Variants in HAPLN2 observed in about 807,000 individuals in gnomAD.
HAPLN2 encodes hyaluronan and proteoglycan link protein 2.
In HAPLN2, 27 loss-of-function variants were observed where a neutral mutation model predicts 29.3. The observed-to-expected ratio is 0.92, with a 90% CI of 0.68 to 1.27. The LOEUF (loss-of-function observed/expected upper bound fraction) is 1.27. Among genes scored for constraint, HAPLN2 ranks in the 50% most tolerant of loss-of-function variants. The pLI is 0.00. For synonymous variants in HAPLN2, 208 were observed against 211.7 expected (o/e 0.98, Z 0.15); for missense variants, 454 against 484.3 (o/e 0.94, Z 0.59).
At chr1:156,623,387 A>G (rs944913854) in intron 2 of HAPLN2, 80 bp from the exon 3 acceptor site, 3 of 1,195,920 alleles carry the variant, frequency 2.5e-6, no homozygotes, top group Non-Finnish European at 2.4e-6. Flanking sequence ...AGGATCTCTG[A>G]TGGGAGTTCA....
chr1:156,618,801 AAAAG>A (rs1678130866), upstream of HAPLN2, among the ~76,000 whole-genome samples: 2 of 151,346 alleles, frequency 1.3e-5, no homozygotes, highest in South Asian at 4.1e-4. Flanking sequence ...AAAAAAAAAA[AAAAG>A]ACTTGAGAGA....
the HAPLN2 span, among the ~76,000 whole-genome samples, chr1:156,610,532 C>T: frequency 4.6e-5 from 7 of 151,284 alleles, no homozygotes; most frequent in Non-Finnish European, 7.4e-5. Flanking sequence ...CCCAGCTACT[C>T]GGGAGGCTAA....
Position 156,623,576 on chromosome 1 carries a change from G to A in HAPLN2, c.85+1G>A. On this transcript the variant is annotated splice_donor_variant, in intron 3 of 6. Transcript: ENST00000255039. LOFTEE classifies it high-confidence loss of function. ...TTCCACAAAGCCCAAGGAGACCCAG[G>A]TAAGACCCCAGCCCAGGCCAGAATC... is the stretch of plus-strand genomic sequence containing the variant. 1 of 1,614,120 alleles carries A rather than the reference G, an allele frequency of 6.2e-7. No homozygotes were observed. Among genetic ancestry groups the A allele is most frequent in the South Asian group, 1.1e-5 (1 of 91,074 alleles).
the HAPLN2 span, among the ~76,000 whole-genome samples, chr1:156,610,080 G>A: frequency 3.3e-5 from 5 of 152,050 alleles, no homozygotes; most frequent in Non-Finnish European, 4.4e-5. Context: ...TGGGTGTGGT[G>A]GCACGTGCCT....
In HAPLN2 at chr1:156,623,993, C is replaced by A; in HGVS notation, c.272C>A (p.Ala91Asp). The A allele has an allele frequency of 6.2e-7, 1 of 1,608,790 alleles. No individual in the cohort carries two copies. Among genetic ancestry groups the A allele is most frequent in the Non-Finnish European group, 8.5e-7 (1 of 1,177,538 alleles). The change falls in exon 4 of 7, where the codon GCC becomes GAC. Residue 91 changes from alanine (A) to aspartate (D), a missense_variant. By Grantham distance (126) the Ala-to-Asp change is moderately radical. Around this residue, in one of 3 missense-constraint regions of HAPLN2, gnomAD observed 204 missense variants for 209.2 expected, o/e 0.98. Coordinates refer to ENST00000255039, the MANE Select transcript of HAPLN2 (RefSeq NM_021817.3). ...TLILITNGLH[A>D]RGYGPLGGRA... The stretch of plus-strand genomic sequence containing the variant: ...ATCCTCATCACCAACGGACTGCACG[C>A]CCGGGGGTATGGGCCCCTGGGAGGG...
the HAPLN2 span, among the ~76,000 whole-genome samples, chr1:156,609,470 T>TA: frequency 1.3e-5 from 2 of 152,236 alleles, no homozygotes; most frequent in Non-Finnish European, 2.9e-5. Context: ...TATCTACAAT[T>TA]AAGTGCATCA....
chr1:156,622,155 C>CA (rs1557975229), intron 2 of HAPLN2, among the ~76,000 whole-genome samples: 2 of 151,730 alleles, frequency 1.3e-5, no homozygotes, highest in African/African-American at 4.8e-5. Flanking sequence ...ACTTGTAAGA[C>CA]AAAAAAAGTC....
At chr1:156,623,712 G>A (rs1294744867) in intron 3 of HAPLN2, 95 bp from the exon 4 acceptor site, 9 of 1,499,820 alleles carry the variant, frequency 6.0e-6, no homozygotes, top group Non-Finnish European at 8.0e-6. Flanking sequence ...AGAGGGTTGG[G>A]GGGCTCTGGA....
rs1466782826 is a variant in HAPLN2, at chr1:156,624,433, C to T, written c.522C>T (p.Asp174=). The change falls in exon 5 of 7, where the codon GAC becomes GAT. Residue 174 remains aspartate, a synonymous_variant. Transcript: ENST00000255039. ...YEAKQACEEQ[D]GRLATYSQLY... is the part of the protein sequence containing the mutation. ...CGAAGCAGGCGTGCGAGGAGCAGGACGGACGCCTGGCCACCTACTCCCAGC... is the reference window on the plus strand; with the variant it reads ...CGAAGCAGGCGTGCGAGGAGCAGGATGGACGCCTGGCCACCTACTCCCAGC... 3 of 1,612,346 alleles carry T rather than the reference C, an allele frequency of 1.9e-6. No homozygotes were observed. Among genetic ancestry groups the T allele is most frequent in the East Asian group, 4.5e-5 (2 of 44,782 alleles).
chr1:156,619,107 C>A (rs940056212), upstream of HAPLN2, among the ~76,000 whole-genome samples: 1 of 152,114 alleles, frequency 6.6e-6, no homozygotes, highest in East Asian at 1.9e-4. Context: ...CTTTAGAGCC[C>A]TGTAATTTGG....
At chr1:156,624,928 C>G in intron 6 of HAPLN2, 145 bp downstream of exon 6, 2 of 1,009,240 alleles carry the variant, frequency 2.0e-6, no homozygotes, top group African/African-American at 3.6e-5. Context: ...CCCGCCCAGG[C>G]TCCAGCTCAC....
At chr1:156,605,740 A>G in the HAPLN2 span, among the ~76,000 whole-genome samples, 53 of 152,352 alleles carry the variant, frequency 3.5e-4, no homozygotes, top group African/African-American at 1.3e-3. Context: ...AAGAGGATAG[A>G]CATATAGATC....
chr1:156,624,780 GC>G lies in HAPLN2; in HGVS notation c.737del (p.Ala246GlyfsTer11). 6.7e-7 allele frequency: 1 copy of G among 1,498,494 alleles called. No homozygotes were observed. The highest frequency in any genetic ancestry group is 2.4e-5 in the East Asian group (1 of 41,816). The allele number at this position is 1,498,494 out of a possible 1,614,324, so 92.8% of individuals were successfully genotyped here. ...CGCCTTCTGCTTCACCTCCGCGCTG[GC>G]GGGTGAGGCGCGGGACGAAGGCAGG... ...YDAFCFTSAL[A>X]GQVFFVPGRL... On this transcript the variant is annotated frameshift_variant and splice_region_variant, in exon 6 of 7. Coordinates refer to ENST00000255039, the MANE Select transcript of HAPLN2 (RefSeq NM_021817.3). LOFTEE classifies it low-confidence loss of function (END_TRUNC).
chr1:156,609,496 A>G, the HAPLN2 span, among the ~76,000 whole-genome samples: 1 of 152,202 alleles, frequency 6.6e-6, no homozygotes, highest in African/African-American at 2.4e-5. Context: ...TAATCAGTAA[A>G]AAATTAATCC....
In HAPLN2 at chr1:156,625,605, T is replaced by C. The variant is rs976396942; in HGVS notation, c.*221T>C. 3 of 480,074 alleles carry C rather than the reference T, an allele frequency of 6.2e-6. No individual in the cohort carries two copies. In the South Asian group the frequency reaches 1.2e-4, roughly 20 times the overall value. 29.7% of individuals were successfully genotyped at this position (480,074 alleles called of 1,614,324 possible). A position where few individuals can be genotyped will look rare whatever the true frequency, so the allele number is the denominator to read the frequency against. ...CGGCGGCGAGATGCAGAGGTGACCCTCGGACCCGCTGCCGTTCGCGAACCC... is the reference window on the plus strand; with the variant it reads ...CGGCGGCGAGATGCAGAGGTGACCCCCGGACCCGCTGCCGTTCGCGAACCC... On this transcript the variant is annotated 3_prime_UTR_variant, in exon 7 of 7. Coordinates refer to ENST00000255039, the MANE Select transcript of HAPLN2 (RefSeq NM_021817.3). The surrounding 1 kb of genome is among the most constrained non-coding windows in gnomAD (Gnocchi z 5.7).
intron 2 of HAPLN2, among the ~76,000 whole-genome samples, chr1:156,621,229 C>T (rs1678209472): frequency 6.6e-6 from 1 of 151,632 alleles, no homozygotes; most frequent in Non-Finnish European, 1.5e-5. Context: ...CTCAGCCTCC[C>T]GAGTAGCTGG....
the HAPLN2 span, among the ~76,000 whole-genome samples, chr1:156,603,991 G>C: frequency 6.6e-6 from 1 of 152,100 alleles, no homozygotes; most frequent in African/African-American, 2.4e-5. Context: ...GTCCCTGGGG[G>C]CTATGAGAGA....
Position 156,624,663 on chromosome 1 carries a change from C to A in HAPLN2, c.619C>A (p.Pro207Thr). ...GWLLEGSVRY[P>T]VLTARAPCGG... ...GCTGCTCGAGGGCTCCGTGCGCTAC[C>A]CTGTGCTCACCGCACGCGCCCCGTG... Residue 207 changes from proline to threonine, a missense_variant, in exon 6 of 7, where the codon CCT (proline) becomes ACT (threonine). Pro to Thr is a conservative substitution (Grantham distance 38). Coordinates refer to ENST00000255039, the MANE Select transcript of HAPLN2 (RefSeq NM_021817.3). 1 of 1,609,380 alleles carries A rather than the reference C, an allele frequency of 6.2e-7. No individual in the cohort carries two copies. The highest frequency in any genetic ancestry group is 8.5e-7 in the Non-Finnish European group (1 of 1,178,880).
chr1:156,624,762 T>C lies in HAPLN2; in HGVS notation c.718T>C (p.Cys240Arg). 1 of 1,528,718 alleles carries C rather than the reference T, an allele frequency of 6.5e-7. No individual in the cohort carries two copies. Among genetic ancestry groups the C allele is most frequent in the Non-Finnish European group, 8.7e-7 (1 of 1,146,854 alleles). The allele number at this position is 1,528,718 out of a possible 1,614,324, so 94.7% of individuals were successfully genotyped here. The change falls in exon 6 of 7, where the codon TGC (cysteine) becomes CGC (arginine). Residue 240 changes from cysteine to arginine, a missense_variant. By Grantham distance (180) the Cys-to-Arg change is radical. Transcript: ENST00000255039. ...DRMRDRYDAF[C>R]FTSALAGQVF... ...GATGCGCGACCGCTACGACGCCTTC[T>C]GCTTCACCTCCGCGCTGGCGGGTGA... is the stretch of plus-strand genomic sequence containing the variant.
Sources: allele counts gnomAD v4.1 joint callset (sites outside exome capture counted in the v4.1 genomes callset), GRCh38; gene constraint gnomAD v4.1.1; regional missense constraint gnomAD v4.1.1; non-coding constraint Gnocchi (gnomAD v3.1); transcripts MANE v1.5; gene names NCBI Gene and HGNC (gene_info 2026-07-23, HGNC 2026-07-21).